The following NIBAN1 variants were observed in gnomAD, a reference collection of about 807,000 sequenced individuals.
NIBAN1 encodes the protein protein Niban 1.
Under a neutral mutation model 75.1 loss-of-function variants are expected in NIBAN1, and 81 were observed. That is an observed-to-expected ratio of 1.08 (90% CI 0.90 to 1.30). The LOEUF (loss-of-function observed/expected upper bound fraction) is 1.30. Ranked by LOEUF, NIBAN1 falls within the 50% of genes most tolerant of loss-of-function variation. The pLI is 0.00. For synonymous variants in NIBAN1, 436 were observed against 424.8 expected (o/e 1.03, Z -0.32); for missense variants, 1,133 against 1,128.1 (o/e 1.00, Z -0.06).
intron 1 of NIBAN1, among the ~76,000 whole-genome samples, chr1:184,903,720 G>A (rs922375441): frequency 8.1e-5 from 12 of 148,594 alleles, no homozygotes; most frequent in African/African-American, 3.0e-4. Context: ...CAAGAACCAT[G>A]AGCCGATTAA....
chr1:184,952,012 A>T (rs1009537067), intron 1 of NIBAN1, among the ~76,000 whole-genome samples: 3 of 152,164 alleles, frequency 2.0e-5, no homozygotes, highest in African/African-American at 7.2e-5. Context: ...GAGAGCAGGG[A>T]TTTAGTCTGC....
intron 5 of NIBAN1, among the ~76,000 whole-genome samples, chr1:184,859,984 C>T (rs1364895103): frequency 2.0e-5 from 3 of 152,282 alleles, no homozygotes; most frequent in East Asian, 3.9e-4. Flanking sequence ...AAAGCCAGAA[C>T]TTCAGGGAAC....
At chr1:184,896,281 T>C (rs1263236246) in intron 2 of NIBAN1, among the ~76,000 whole-genome samples, 1 of 152,206 alleles carries the variant, frequency 6.6e-6, no homozygotes, top group Non-Finnish European at 1.5e-5. Flanking sequence ...CTTGGTGTGG[T>C]TTTAATATAC....
chr1:184,823,404 C>T, intron 7 of NIBAN1, 75 bp from the exon 8 acceptor site: 2 of 1,548,232 alleles, frequency 1.3e-6, no homozygotes, highest in Non-Finnish European at 1.8e-6. Flanking sequence ...GAGGGAGGAG[C>T]CTTCATCACA....
chr1:184,880,666 T>G (rs1199865187), intron 5 of NIBAN1, among the ~76,000 whole-genome samples: 4 of 152,242 alleles, frequency 2.6e-5, no homozygotes, highest in Non-Finnish European at 1.5e-5. Flanking sequence ...AAGAACAGAC[T>G]TGCATCGATA....
chr1:184,892,679 A>G (rs1656698871), intron 3 of NIBAN1, among the ~76,000 whole-genome samples: 1 of 152,186 alleles, frequency 6.6e-6, no homozygotes, highest in African/African-American at 2.4e-5. Flanking sequence ...TCCATCAGAA[A>G]TGGGAAGGAA....
chr1:184,798,236 G>T (rs780348491), intron 12 of NIBAN1, 46 bp from the exon 13 acceptor site: 62 of 1,252,266 alleles, frequency 5.0e-5, no homozygotes, highest in Non-Finnish European at 6.8e-6. Flanking sequence ...GGCATGAGAT[G>T]CCTGTTCTTA....
intron 5 of NIBAN1, among the ~76,000 whole-genome samples, chr1:184,853,411 GATA>G (rs1215019846): frequency 6.6e-6 from 1 of 152,182 alleles, no homozygotes; most frequent in Non-Finnish European, 1.5e-5. Context: ...ATAAAGTGAT[GATA>G]ATAATTCTTA....
chr1:184,888,529 T>C (rs1342165189), intron 4 of NIBAN1, among the ~76,000 whole-genome samples: 1 of 152,242 alleles, frequency 6.6e-6, no homozygotes, highest in African/African-American at 2.4e-5. Context: ...TTTTCTGAGT[T>C]ACAAGAATAT....
chr1:184,881,577 G>C (rs1656380551), intron 5 of NIBAN1, among the ~76,000 whole-genome samples: 1 of 152,170 alleles, frequency 6.6e-6, no homozygotes, highest in South Asian at 2.1e-4. Context: ...ACAGTGCAAA[G>C]GGAAAGCAAG....
chr1:184,798,233 G>A, intron 12 of NIBAN1, 43 bp from the exon 13 acceptor site: 1 of 1,259,514 alleles, frequency 7.9e-7, no homozygotes, highest in Non-Finnish European at 1.1e-6. Context: ...AAAGGCATGA[G>A]ATGCCTGTTC....
chr1:184,851,128 G>A lies in NIBAN1; in HGVS notation c.602-19166C>T, dbSNP rs2102263422. The stretch of plus-strand genomic sequence containing the variant: ...AATTTGACCCAGCCATCCCATTACT[G>A]GGTATATACCCAAATGACTATAAAT... On this transcript the variant is annotated intron_variant, in intron 5 of 13. Coordinates refer to ENST00000367511, the MANE Select transcript of NIBAN1 (RefSeq NM_052966.4). Among the ~76,000 whole-genome samples the A allele has an allele frequency of 2.3e-4, 3 of 12,974 alleles. 1 individual carries two copies. In the Middle Eastern group the frequency reaches 0.079, roughly 341 times the overall value. The allele number at this position is 12,974 out of a possible 152,430, so 8.5% of individuals were successfully genotyped here. A position where few individuals can be genotyped will look rare whatever the true frequency, so the allele number is the denominator to read the frequency against.
chr1:184,925,883 G>T (rs1005090311), intron 1 of NIBAN1, among the ~76,000 whole-genome samples: 1 of 152,144 alleles, frequency 6.6e-6, no homozygotes, highest in African/African-American at 2.4e-5. Flanking sequence ...CAATTACAGT[G>T]TTATAATATT....
rs1289684452 is a variant in NIBAN1, at chr1:184,794,801, T to A, written c.*176A>T. The A allele has an allele frequency of 7.9e-6, 6 of 761,936 alleles. No homozygotes were observed. Among genetic ancestry groups the A allele is most frequent in the Non-Finnish European group, 1.3e-5 (6 of 460,160 alleles). 47.2% of individuals were successfully genotyped at this position (761,936 alleles called of 1,614,324 possible). ...CAAAAATTCATCGTAGAACAATTCA[T>A]GTCCACAAAGGTTTGCCTCAGTTGC... On this transcript the variant is annotated 3_prime_UTR_variant, in exon 14 of 14. Transcript: ENST00000367511.
intron 1 of NIBAN1, among the ~76,000 whole-genome samples, chr1:184,961,364 C>T (rs7511856): frequency 2.6e-5 from 4 of 151,826 alleles, no homozygotes; most frequent in African/African-American, 9.7e-5. Flanking sequence ...CCACCGCGCC[C>T]AGCCTACATG....
rs1404499266 is a variant in NIBAN1, at chr1:184,794,193, ATAAC to A, written c.*780_*783del. Reference sequence around the variant, plus strand: ...GTTTAATTGACGGGTTTTAAGCTCGATAACTTAGCTAAGCCCTTTGCACAGTCTA... The same window carrying A: ...GTTTAATTGACGGGTTTTAAGCTCGATTAGCTAAGCCCTTTGCACAGTCTA... On this transcript the variant is annotated 3_prime_UTR_variant, in exon 14 of 14. Coordinates refer to ENST00000367511, the MANE Select transcript of NIBAN1 (RefSeq NM_052966.4). 6.6e-6 allele frequency: 1 copy of A among 152,288 alleles called. No homozygotes were observed. The highest frequency in any genetic ancestry group is 2.4e-5 in the African/African-American group (1 of 41,450). The allele number at this position is 152,288 out of a possible 1,614,324, so 9.4% of individuals were successfully genotyped here. A position where few individuals can be genotyped will look rare whatever the true frequency, so the allele number is the denominator to read the frequency against.
intron 1 of NIBAN1, among the ~76,000 whole-genome samples, chr1:184,923,222 A>G (rs1248254853): frequency 6.6e-6 from 1 of 152,146 alleles, no homozygotes; most frequent in Non-Finnish European, 1.5e-5. Flanking sequence ...TCTTTAATCT[A>G]TTTTGATTTG....
At chr1:184,805,228 G>T (rs1307429358) in intron 11 of NIBAN1, among the ~76,000 whole-genome samples, 1 of 152,224 alleles carries the variant, frequency 6.6e-6, no homozygotes, top group Non-Finnish European at 1.5e-5. Context: ...ATGTTTAGGG[G>T]AACTAGAAGG....
intron 5 of NIBAN1, among the ~76,000 whole-genome samples, chr1:184,859,715 T>C (rs542870716): frequency 9.9e-5 from 15 of 152,144 alleles, no homozygotes; most frequent in Non-Finnish European, 2.1e-4. Context: ...TTATGGTATA[T>C]AAGCAGTCCT....
Sources: gnomAD v4.1 joint callset for allele counts (sites outside exome capture counted in the v4.1 genomes callset) on GRCh38, gnomAD v4.1.1 for gene constraint, MANE v1.5 for transcripts, NCBI Gene and HGNC (gene_info 2026-07-23, HGNC 2026-07-21) for gene names.